The following FBH1 variants were observed in gnomAD, a reference collection of about 807,000 sequenced individuals.
FBH1 encodes DNA 3'-5' helicase 1.
Under a neutral mutation model 115.5 loss-of-function variants are expected in FBH1, and 43 were observed. That is an observed-to-expected ratio of 0.37 (90% CI 0.29 to 0.48). The LOEUF (loss-of-function observed/expected upper bound fraction) is 0.48, where lower values mean the gene tolerates loss of function less well. Ranked by LOEUF, FBH1 falls within the 20% of genes least tolerant of loss-of-function variation. The pLI, the probability that FBH1 is intolerant of heterozygous loss-of-function variation, is 0.99. For synonymous variants in FBH1, 524 were observed against 507.8 expected (o/e 1.03, Z -0.43); for missense variants, 1,001 against 1,337.3 (o/e 0.75, Z 3.92).
chr10:5,905,085 A>T (rs1589062176), intron 2 of FBH1: 2 of 152,244 alleles, frequency 1.3e-5, no homozygotes, highest in Admixed American at 1.3e-4. Flanking sequence ...CATTTGTCTC[A>T]GAATCATTGG....
chr10:5,917,382 G>T lies in FBH1; in HGVS notation c.1789-38G>T, dbSNP rs370493910. 6.3e-7 allele frequency: 1 copy of T among 1,574,832 alleles called. No homozygotes were observed. On this transcript the variant is annotated intron_variant, in intron 10 of 20. Transcript: ENST00000362091. The surrounding 1 kb of genome is among the most constrained non-coding windows in gnomAD (Gnocchi z 5.6). ...ACCGCAGGGTGCTGCCTTTGCCAGG[G>T]TCTCAAACTCTGGGTTACCATATGC... is the stretch of plus-strand genomic sequence containing the variant.
At chr10:5,891,793 G>T (rs1272828931) in intron 1 of FBH1, among the ~76,000 whole-genome samples, 1 of 152,196 alleles carries the variant, frequency 6.6e-6, no homozygotes, top group African/African-American at 2.4e-5. Context: ...TGTATTTTTA[G>T]TAGAGACGGG....
rs1223533595 is a variant in FBH1, at chr10:5,936,251, C to A, written c.2830-205C>A. 1.2e-5 allele frequency: 5 copies of A among 411,036 alleles called. No individual in the cohort carries two copies. The highest frequency in any genetic ancestry group is 2.0e-5 in the African/African-American group (1 of 50,746). The allele number at this position is 411,036 out of a possible 1,614,324, so 25.5% of individuals were successfully genotyped here. Reference sequence around the variant, plus strand: ...GTTAAATATATATATATTTAAAAAGCAATTGGACTGTCAGTTGGACTGTCG... The same window carrying A: ...GTTAAATATATATATATTTAAAAAGAAATTGGACTGTCAGTTGGACTGTCG... On this transcript the variant is annotated intron_variant, in intron 19 of 20. Transcript: ENST00000362091. The surrounding 1 kb of genome is among the most constrained non-coding windows in gnomAD (Gnocchi z 5.6).
chr10:5,914,348 G>GAGCAAAGATGCCCT lies in FBH1; in HGVS notation c.1396+79_1396+80insAGCAAAGATGCCCT. ...TACATCCCCTTCCCGCTACCTGCCAGGGCATCTTTGCTCTGATCTGTCATC... is the reference window on the plus strand; with the variant it reads ...TACATCCCCTTCCCGCTACCTGCCAGAGCAAAGATGCCCTGGCATCTTTGCTCTGATCTGTCATC... On this transcript the variant is annotated intron_variant, in intron 8 of 20. Coordinates refer to ENST00000362091, the MANE Select transcript of FBH1 (RefSeq NM_178150.3). This position sits in a 1 kb window ranked among gnomAD's most constrained non-coding sequence, Gnocchi z 5.2. The GAGCAAAGATGCCCT allele has an allele frequency of 8.5e-7, 1 of 1,179,448 alleles. No homozygotes were observed. The highest frequency in any genetic ancestry group is 1.3e-6 in the Non-Finnish European group (1 of 786,622). 73.1% of individuals were successfully genotyped at this position (1,179,448 alleles called of 1,614,324 possible).
chr10:5,901,957 G>A (rs1843372459), intron 1 of FBH1, among the ~76,000 whole-genome samples: 1 of 152,204 alleles, frequency 6.6e-6, no homozygotes, highest in African/African-American at 2.4e-5. Flanking sequence ...AGATGCAGAA[G>A]CATGGAGAGT....
Position 5,913,785 on chromosome 10 carries a change from A to G in FBH1, c.1250A>G (p.Glu417Gly). The change falls in exon 7 of 21, where the codon GAG becomes GGG. Residue 417 changes from glutamate to glycine, a missense_variant. By Grantham distance (98) the Glu-to-Gly change is moderately conservative. This residue lies in a region of FBH1 where 521 missense variants were observed against 811.0 expected (regional missense o/e 0.64). Transcript: ENST00000362091. The surrounding 1 kb of genome is among the most constrained non-coding windows in gnomAD (Gnocchi z 4.4). ...ATTTTCTATTGCCTATATCTTCAGG[A>G]GAATTCCTGCACTCAGGCCACAAAA... ...YNIFYCLYLQENSCTQATKVK... is the reference protein window; with the variant it reads ...YNIFYCLYLQGNSCTQATKVK... 1 of 1,588,878 alleles carries G rather than the reference A, an allele frequency of 6.3e-7. No homozygotes were observed. The highest frequency in any genetic ancestry group is 2.0e-5 in the Admixed American group (1 of 51,126).
rs1005584749 is a variant in FBH1 at position 5,935,073 on chromosome 10, A to C, written c.2830-1383A>C. 1.3e-5 allele frequency: 2 copies of C among 152,210 alleles called. No individual in the cohort carries two copies. Among genetic ancestry groups the C allele is most frequent in the African/African-American group, 4.8e-5 (2 of 41,462 alleles). The allele number at this position is 152,210 out of a possible 1,614,324, so 9.4% of individuals were successfully genotyped here. A position where few individuals can be genotyped will look rare whatever the true frequency, so the allele number is the denominator to read the frequency against. On this transcript the variant is annotated intron_variant, in intron 19 of 20. Transcript: ENST00000362091. This position sits in a 1 kb window ranked among gnomAD's most constrained non-coding sequence, Gnocchi z 5.2. ...ATCTAAAGAAATCAGAGAACACTGC[A>C]TGTTAGGTTAAGTCATGTTTTGTGA... is the stretch of plus-strand genomic sequence containing the variant.
chr10:5,914,113 C>A lies in FBH1; in HGVS notation c.1305-65C>A. On this transcript the variant is annotated intron_variant, in intron 7 of 20. Transcript: ENST00000362091. The surrounding 1 kb of genome is among the most constrained non-coding windows in gnomAD (Gnocchi z 5.2). Reference sequence around the variant, plus strand: ...CCAGTTTGTATGTTTGGTTTTTGGACTGTCTATCCCCTGGACTTTTCACGT... The same window carrying A: ...CCAGTTTGTATGTTTGGTTTTTGGAATGTCTATCCCCTGGACTTTTCACGT... 6.7e-7 allele frequency: 1 copy of A among 1,486,378 alleles called. No homozygotes were observed. The highest frequency in any genetic ancestry group is 1.8e-5 in the Admixed American group (1 of 55,838). 92.1% of individuals were successfully genotyped at this position (1,486,378 alleles called of 1,614,324 possible). A position where few individuals can be genotyped will look rare whatever the true frequency, so the allele number is the denominator to read the frequency against.
intron 1 of FBH1, among the ~76,000 whole-genome samples, chr10:5,890,639 C>T (rs896394342): frequency 1.7e-4 from 25 of 151,314 alleles, no homozygotes; most frequent in Non-Finnish European, 1.0e-4. Flanking sequence ...TGTGGGTCCT[C>T]GGGGCTGAAG....
rs900790274 is a variant in FBH1 at position 5,911,675 on chromosome 10, C to T, written c.1211+547C>T. On this transcript the variant is annotated intron_variant, in intron 6 of 20. Coordinates refer to ENST00000362091, the MANE Select transcript of FBH1 (RefSeq NM_178150.3). The surrounding 1 kb of genome is among the most constrained non-coding windows in gnomAD (Gnocchi z 5.4). ...TTGTCCACGAGCCGGTCCACTGTGA[C>T]CGGCTTAGAGGAGTTAGAGGAGATT... Among the ~76,000 whole-genome samples the T allele has an allele frequency of 1.3e-5, 2 of 152,098 alleles. No homozygotes were observed. Among genetic ancestry groups the T allele is most frequent in the Admixed American group, 1.3e-4 (2 of 15,282 alleles).
At chr10:5,927,314 A>G (rs1387213037) in intron 18 of FBH1, 121 bp from the exon 19 acceptor site, 2 of 677,056 alleles carry the variant, frequency 3.0e-6, no homozygotes, top group Non-Finnish European at 4.8e-6. Flanking sequence ...ACAGCCAACA[A>G]ATGTTGAGTG....
In FBH1 at chr10:5,915,353, C is replaced by T; in HGVS notation, c.1397-50C>T. The T allele has an allele frequency of 1.3e-6, 2 of 1,594,418 alleles. No individual in the cohort carries two copies. The highest frequency in any genetic ancestry group is 1.7e-6 in the Non-Finnish European group (2 of 1,166,662). On this transcript the variant is annotated intron_variant, in intron 8 of 20. Coordinates refer to ENST00000362091, the MANE Select transcript of FBH1 (RefSeq NM_178150.3). The surrounding 1 kb of genome is among the most constrained non-coding windows in gnomAD (Gnocchi z 5.2). ...CAAGGCCTGATTGGGGATCCCTGGG[C>T]ATGTCTTGTCTGGTCAGAGGGTCAC... is the stretch of plus-strand genomic sequence containing the variant.
chr10:5,902,868 G>T (rs1245021127), intron 1 of FBH1, 152 bp from the exon 2 acceptor site: 2 of 559,364 alleles, frequency 3.6e-6, no homozygotes, highest in African/African-American at 3.9e-5. Context: ...AAAGGACAAA[G>T]TTGGGGGGCA....
rs1195539790 is a variant in FBH1, at chr10:5,897,682, G to C, written c.2-5338G>C. On this transcript the variant is annotated intron_variant, in intron 1 of 20. Coordinates refer to ENST00000362091, the MANE Select transcript of FBH1 (RefSeq NM_178150.3). This position sits in a 1 kb window ranked among gnomAD's most constrained non-coding sequence, Gnocchi z 4.7. ...CAGAGGCCAGATCACCAGTCTAAGC[G>C]CCCCTCCCCCGGTACCGAACCTCAG... Among the ~76,000 whole-genome samples, 1 of 152,004 alleles carries C rather than the reference G, an allele frequency of 6.6e-6. No homozygotes were observed. The highest frequency in any genetic ancestry group is 2.4e-5 in the African/African-American group (1 of 41,362).
At position 5,914,411 on chromosome 10, in the gene FBH1, C is replaced by T; in HGVS notation, c.1396+142C>T. 1.4e-6 allele frequency: 1 copy of T among 728,862 alleles called. No homozygotes were observed. The highest frequency in any genetic ancestry group is 2.3e-6 in the Non-Finnish European group (1 of 429,588). 45.1% of individuals were successfully genotyped at this position (728,862 alleles called of 1,614,324 possible). A position where few individuals can be genotyped will look rare whatever the true frequency, so the allele number is the denominator to read the frequency against. ...CAATAACAGATCAAATAATCAATCT[C>T]AAAAGCAATTGGCCAAGGAATACTT... On this transcript the variant is annotated intron_variant, in intron 8 of 20. Transcript: ENST00000362091. This position sits in a 1 kb window ranked among gnomAD's most constrained non-coding sequence, Gnocchi z 5.2.
In FBH1 at chr10:5,897,949, A is replaced by G. The variant is rs907624704; in HGVS notation, c.2-5071A>G. 2.0e-5 allele frequency among the ~76,000 whole-genome samples: 3 copies of G among 152,202 alleles called. No homozygotes were observed. The highest frequency in any genetic ancestry group is 2.0e-4 in the Admixed American group (3 of 15,288). On this transcript the variant is annotated intron_variant, in intron 1 of 20. Transcript: ENST00000362091. The surrounding 1 kb of genome is among the most constrained non-coding windows in gnomAD (Gnocchi z 4.7). ...CTTTTCCAAAGCAGTTCCCTTTGGGACTGAACATTTTTGATGTTCTGTCAT... is the reference window on the plus strand; with the variant it reads ...CTTTTCCAAAGCAGTTCCCTTTGGGGCTGAACATTTTTGATGTTCTGTCAT...
At chr10:5,930,939 T>G (rs1832937599) in intron 19 of FBH1, among the ~76,000 whole-genome samples, 1 of 152,042 alleles carries the variant, frequency 6.6e-6, no homozygotes, top group African/African-American at 2.4e-5. Context: ...TTTGTTTTTT[T>G]GTACAGACAG....
rs1429620021 is a variant in FBH1 at position 5,900,012 on chromosome 10, C to CA, written c.2-3004dup. On this transcript the variant is annotated intron_variant, in intron 1 of 20. Coordinates refer to ENST00000362091, the MANE Select transcript of FBH1 (RefSeq NM_178150.3). The surrounding 1 kb of genome is among the most constrained non-coding windows in gnomAD (Gnocchi z 4.2). Reference sequence around the variant, plus strand: ...ATTACAGAACCAGCACAAACCAGCACAAAACCATCAAAGTGGAGGGGGTGT... The same window carrying CA: ...ATTACAGAACCAGCACAAACCAGCACAAAAACCATCAAAGTGGAGGGGGTGT... Among the ~76,000 whole-genome samples, 1 of 152,186 alleles carries CA rather than the reference C, an allele frequency of 6.6e-6. No individual in the cohort carries two copies. The highest frequency in any genetic ancestry group is 1.5e-5 in the Non-Finnish European group (1 of 68,030).
At position 5,909,933 on chromosome 10, in the gene FBH1, A is replaced by T. The variant is rs1178622170; in HGVS notation, c.1020+639A>T. ...CACAGGATGGTTGAAGTGAGAGGGG[A>T]TGGGATGTTCCTTTCTTGGAATGCA... On this transcript the variant is annotated intron_variant, in intron 5 of 20. Coordinates refer to ENST00000362091, the MANE Select transcript of FBH1 (RefSeq NM_178150.3). This position sits in a 1 kb window ranked among gnomAD's most constrained non-coding sequence, Gnocchi z 4.4. Among the ~76,000 whole-genome samples, 8 of 152,072 alleles carry T rather than the reference A, an allele frequency of 5.3e-5. No homozygotes were observed. The highest frequency in any genetic ancestry group is 1.9e-4 in the African/African-American group (8 of 41,416).
Sources: allele counts gnomAD v4.1 joint callset (sites outside exome capture counted in the v4.1 genomes callset), GRCh38; gene constraint gnomAD v4.1.1; regional missense constraint gnomAD v4.1.1; non-coding constraint Gnocchi (gnomAD v3.1); transcripts MANE v1.5; gene names NCBI Gene and HGNC (gene_info 2026-07-23, HGNC 2026-07-21).